The following CDH13 variants were observed in gnomAD, a reference collection of about 807,000 sequenced individuals.
CDH13 encodes cadherin 13.
A neutral mutation model predicts 63.8 loss-of-function variants in CDH13; 24 were observed. The observed-to-expected ratio is 0.38, with a 90% CI of 0.27 to 0.53. The LOEUF (loss-of-function observed/expected upper bound fraction) is 0.53, where lower values mean the gene tolerates loss of function less well. Ranked by LOEUF, CDH13 falls within the 20% of genes least tolerant of loss-of-function variation. The pLI is 0.85. For synonymous variants in CDH13, 503 were observed against 355.3 expected, an observed-to-expected ratio of 1.42 and a Z score of -4.67; for missense variants, 1,049 against 903.1, an observed-to-expected ratio of 1.16 and a Z score of -2.07.
chr16:83,185,693 T>C (rs2038495786), intron 4 of CDH13, among the ~76,000 whole-genome samples: 1 of 152,220 alleles, frequency 6.6e-6, no homozygotes, highest in Non-Finnish European at 1.5e-5. Flanking sequence ...CTGGAAATGT[T>C]CTGCAGGTTA....
rs568693135 is a variant in CDH13 at position 83,495,366 on chromosome 16, C to G, written c.960+8711C>G. Among the ~76,000 whole-genome samples, 16 of 152,206 alleles carry G rather than the reference C, an allele frequency of 1.1e-4. No individual in the cohort carries two copies. In the South Asian group the frequency reaches 1.9e-3, roughly 18 times the overall value. On this transcript the variant is annotated intron_variant, in intron 7 of 13. Coordinates refer to ENST00000567109, the MANE Select transcript of CDH13 (RefSeq NM_001257.5). ...TTGAAAGAGTTTAAAGACCTGGAAT[C>G]AATAGAAAGGAAATGTCTAGCTTAA...
intron 1 of CDH13, among the ~76,000 whole-genome samples, chr16:82,821,437 A>T (rs2037996339): frequency 6.6e-6 from 1 of 152,208 alleles, no homozygotes; most frequent in Non-Finnish European, 1.5e-5. Flanking sequence ...ATTCAGCCTT[A>T]GGGTGAGCTC....
chr16:82,648,531 T>A (rs112571522), intron 1 of CDH13, among the ~76,000 whole-genome samples: 3 of 152,064 alleles, frequency 2.0e-5, no homozygotes, highest in Admixed American at 2.0e-4. Context: ...TGAATGAGAA[T>A]TGAATACTAA....
In CDH13 at chr16:82,707,080, A is replaced by C. The variant is rs539003749; in HGVS notation, c.45+79943A>C. Among the ~76,000 whole-genome samples the C allele has an allele frequency of 2.0e-5, 3 of 152,344 alleles. No homozygotes were observed. In the South Asian group the frequency reaches 6.2e-4, roughly 32 times the overall value. ...CGTGGACCATCCCCTGTTTGGCGGG[A>C]AAATAGCTTTAGTCACAGGCAGGTT... On this transcript the variant is annotated intron_variant, in intron 1 of 13. Coordinates refer to ENST00000567109, the MANE Select transcript of CDH13 (RefSeq NM_001257.5).
chr16:83,312,066 CAAAAAA>C (rs5818437), intron 5 of CDH13, among the ~76,000 whole-genome samples: 4 of 94,954 alleles, frequency 4.2e-5, no homozygotes, highest in African/African-American at 8.0e-5. Flanking sequence ...AACTCCATCT[CAAAAAA>C]AAAAAAAAAA....
At chr16:83,382,800 C>A (rs1388164786) in intron 6 of CDH13, among the ~76,000 whole-genome samples, 1 of 152,176 alleles carries the variant, frequency 6.6e-6, no homozygotes, top group Non-Finnish European at 1.5e-5. Context: ...TCCAGTTACA[C>A]CAATGGTTCT....
At chr16:83,188,227 A>G (rs1358265555) in intron 4 of CDH13, among the ~76,000 whole-genome samples, 13 of 152,304 alleles carry the variant, frequency 8.5e-5, no homozygotes, top group African/African-American at 2.4e-4. Flanking sequence ...GGAGAATAGA[A>G]TAGAGTGTGG....
chr16:83,464,180 C>G (rs1041098822), intron 6 of CDH13, among the ~76,000 whole-genome samples: 2 of 152,014 alleles, frequency 1.3e-5, no homozygotes, highest in Admixed American at 1.3e-4. Flanking sequence ...TTCAGGCAGT[C>G]TCTTGAGTAT....
chr16:82,893,718 T>C (rs1034686858), intron 2 of CDH13, among the ~76,000 whole-genome samples: 1 of 152,194 alleles, frequency 6.6e-6, no homozygotes, highest in Non-Finnish European at 1.5e-5. Flanking sequence ...CTTTTAATCA[T>C]TGGGCCATAG....
chr16:82,659,808 G>A (rs565878231), intron 1 of CDH13, among the ~76,000 whole-genome samples: 2 of 152,150 alleles, frequency 1.3e-5, no homozygotes, highest in Non-Finnish European at 2.9e-5. Flanking sequence ...AGATTGTGGT[G>A]AGGCTATCCT....
At chr16:83,316,153 CACTG>C (rs538591539) in intron 5 of CDH13, among the ~76,000 whole-genome samples, 1 of 152,108 alleles carries the variant, frequency 6.6e-6, no homozygotes, top group African/African-American at 2.4e-5. Context: ...CATGAGAACT[CACTG>C]ACTATCACAA....
chr16:83,043,659 G>C (rs112795776), intron 3 of CDH13, among the ~76,000 whole-genome samples: 28,604 of 151,762 alleles, frequency 0.19, 2,760 homozygotes, highest in African/African-American at 0.2. Flanking sequence ...CGGAGTTTGA[G>C]ACCAGCCTGG....
intron 11 of CDH13, among the ~76,000 whole-genome samples, chr16:83,759,264 C>A (rs1913758774): frequency 6.6e-6 from 1 of 152,112 alleles, no homozygotes; most frequent in Non-Finnish European, 1.5e-5. Context: ...CTGATTCTAA[C>A]AAGGAAAACA....
intron 1 of CDH13, among the ~76,000 whole-genome samples, chr16:82,697,423 CTTTTTTT>C (rs34376129): frequency 8.2e-4 from 45 of 54,896 alleles, no homozygotes; most frequent in Middle Eastern, 0.013. Context: ...TTTCTTTTTT[CTTTTTTT>C]TTTTTTTTTT....
intron 1 of CDH13, among the ~76,000 whole-genome samples, chr16:82,663,846 C>T (rs1567603095): frequency 6.6e-6 from 1 of 152,180 alleles, no homozygotes; most frequent in Non-Finnish European, 1.5e-5. Context: ...TGCTAGCTTA[C>T]ATACTATGTG....
intron 3 of CDH13, among the ~76,000 whole-genome samples, chr16:83,085,496 G>A (rs1444094285): frequency 7.2e-5 from 11 of 152,114 alleles, no homozygotes; most frequent in Admixed American, 7.2e-4. Flanking sequence ...GAAAGGGTGA[G>A]CCAGCCAGCC....
chr16:83,599,665 A>G (rs1907594677), intron 7 of CDH13, among the ~76,000 whole-genome samples: 1 of 152,242 alleles, frequency 6.6e-6, no homozygotes, highest in Admixed American at 6.5e-5. Flanking sequence ...TATACATATG[A>G]TTATATTGTA....
At chr16:82,698,463 G>A (rs1292107028) in intron 1 of CDH13, among the ~76,000 whole-genome samples, 1 of 152,222 alleles carries the variant, frequency 6.6e-6, no homozygotes. Flanking sequence ...CACTGCCCAT[G>A]CATATGGGCT....
At chr16:83,451,271 G>T (rs1320206981) in intron 6 of CDH13, among the ~76,000 whole-genome samples, 1 of 152,180 alleles carries the variant, frequency 6.6e-6, no homozygotes, top group East Asian at 1.9e-4. Flanking sequence ...AGAAGGCGAA[G>T]GAGGAGCAAA....
Sources: gnomAD v4.1 joint callset for allele counts (sites outside exome capture counted in the v4.1 genomes callset) on GRCh38, gnomAD v4.1.1 for gene constraint, MANE v1.5 for transcripts, NCBI Gene and HGNC (gene_info 2026-07-23, HGNC 2026-07-21) for gene names.